The following ACOX2 variants were observed in gnomAD, a reference collection of about 807,000 sequenced individuals.
ACOX2 encodes acyl-CoA oxidase 2.
ACOX2 carries 59 observed loss-of-function variants against 77.5 expected under a neutral mutation model. That is an observed-to-expected ratio of 0.76 (90% CI 0.62 to 0.95). The LOEUF (loss-of-function observed/expected upper bound fraction) is 0.95, where lower values mean the gene tolerates loss of function less well. Ranked by LOEUF, ACOX2 falls within the 40% of genes least tolerant of loss-of-function variation. The pLI is 0.00. For synonymous variants in ACOX2, 317 were observed against 340.1 expected, an observed-to-expected ratio of 0.93 and a Z score of 0.75; for missense variants, 837 against 880.4, an observed-to-expected ratio of 0.95 and a Z score of 0.62.
rs370372439 is a variant in ACOX2, at chr3:58,524,494, T to C, written c.1458A>G (p.Pro486=). Reference sequence around the variant, plus strand: ...AGAGGAAGTCGGCTGCCCTCTGGGCTGGACACCTGGCCAGGTCAGGTGCGG... The same window carrying C: ...AGAGGAAGTCGGCTGCCCTCTGGGCCGGACACCTGGCCAGGTCAGGTGCGG... ...YLTAPDLARC[P]AQRAADFLCP... is the part of the protein sequence containing the mutation. Residue 486 remains proline, a synonymous_variant, in exon 11 of 15, where the codon CCA becomes CCG. Coordinates refer to ENST00000302819, the MANE Select transcript of ACOX2 (RefSeq NM_003500.4). The surrounding 1 kb of genome is among the most constrained non-coding windows in gnomAD (Gnocchi z 5.5). The C allele has an allele frequency of 3.9e-5, 63 of 1,614,034 alleles. No individual in the cohort carries two copies. The highest frequency in any genetic ancestry group is 5.2e-5 in the Non-Finnish European group (61 of 1,180,012).
intron 14 of ACOX2, 70 bp downstream of exon 14, chr3:58,508,823 A>G: frequency 6.4e-7 from 1 of 1,564,882 alleles, no homozygotes; most frequent in Non-Finnish European, 8.7e-7. Context: ...AAAATGGGAG[A>G]ACATGAAGGT....
chr3:58,522,520 A>C lies in ACOX2; in HGVS notation c.1608T>G (p.Thr536=). The change falls in exon 12 of 15, where the codon ACT becomes ACG. Residue 536 remains threonine (T), a synonymous_variant. Coordinates refer to ENST00000302819, the MANE Select transcript of ACOX2 (RefSeq NM_003500.4). The surrounding 1 kb of genome is among the most constrained non-coding windows in gnomAD (Gnocchi z 4.3). ...CCTTAGCAGCCTGGAGGTGTATGACAGTGGTCTGGTTCCAAGCCTCGTGCT... is the reference window on the plus strand; with the variant it reads ...CCTTAGCAGCCTGGAGGTGTATGACCGTGGTCTGGTTCCAAGCCTCGTGCT... ...ADQHEAWNQT[T]VIHLQAAKVH... 6.2e-7 allele frequency: 1 copy of C among 1,614,198 alleles called. No homozygotes were observed.
chr3:58,536,573 C>G (rs560307001), intron 1 of ACOX2, among the ~76,000 whole-genome samples: 2 of 152,268 alleles, frequency 1.3e-5, no homozygotes, highest in African/African-American at 4.8e-5. Flanking sequence ...TGCAAGTGCC[C>G]CTAGTGCGGC....
In ACOX2 at chr3:58,524,469, A is replaced by T. The variant is rs1382277953; in HGVS notation, c.1483T>A (p.Cys495Ser). 1 of 1,586,438 alleles carries T rather than the reference A, an allele frequency of 6.3e-7. No individual in the cohort carries two copies. Among genetic ancestry groups the T allele is most frequent in the Admixed American group, 1.7e-5 (1 of 57,548 alleles). Residue 495 changes from cysteine to serine, a missense_variant, in exon 11 of 15, where the codon TGC becomes AGC. Transcript: ENST00000302819. The surrounding 1 kb of genome is among the most constrained non-coding windows in gnomAD (Gnocchi z 5.5). ...CPAQRAADFL[C>S]PELYTTAWAH... ...CAGGCCGTGGTGTAGAGCTCCGGGC[A>T]GAGGAAGTCGGCTGCCCTCTGGGCT...
At position 58,533,653 on chromosome 3, in the gene ACOX2, T is replaced by A; in HGVS notation, c.476-101A>T. ...TGAACTCTTAGGCATCAGCGCAGTATGGAGTGGGGCCCAGCTCCCAGCTGT... is the reference window on the plus strand; with the variant it reads ...TGAACTCTTAGGCATCAGCGCAGTAAGGAGTGGGGCCCAGCTCCCAGCTGT... On this transcript the variant is annotated intron_variant, in intron 4 of 14. Coordinates refer to ENST00000302819, the MANE Select transcript of ACOX2 (RefSeq NM_003500.4). The surrounding 1 kb of genome is among the most constrained non-coding windows in gnomAD (Gnocchi z 5.6). 1.9e-6 allele frequency: 2 copies of A among 1,078,744 alleles called. No homozygotes were observed. Among genetic ancestry groups the A allele is most frequent in the Admixed American group, 2.0e-5 (1 of 49,418 alleles). The allele number at this position is 1,078,744 out of a possible 1,614,324, so 66.8% of individuals were successfully genotyped here.
rs1399405792 is a variant in ACOX2 at position 58,523,398 on chromosome 3, A to T, written c.1527-797T>A. On this transcript the variant is annotated intron_variant, in intron 11 of 14. Transcript: ENST00000302819. The surrounding 1 kb of genome is among the most constrained non-coding windows in gnomAD (Gnocchi z 5.3). ...GGGTGTTTATCAGGCCTATTTACTG[A>T]TAGGTCCCTAATGCCTAGAACAGTG... Among the ~76,000 whole-genome samples, 1 of 152,178 alleles carries T rather than the reference A, an allele frequency of 6.6e-6. No homozygotes were observed. Among genetic ancestry groups the T allele is most frequent in the African/African-American group, 2.4e-5 (1 of 41,424 alleles).
Position 58,525,834 on chromosome 3 carries a change from C to T in ACOX2, c.1346+632G>A, listed in dbSNP as rs1397314073. Among the ~76,000 whole-genome samples the T allele has an allele frequency of 6.6e-6, 1 of 152,016 alleles. No homozygotes were observed. Among genetic ancestry groups the T allele is most frequent in the African/African-American group, 2.4e-5 (1 of 41,388 alleles). ...GGTCAGGAGTTGGAGAGCAGCCTGGCCAACATGGTGAAACCCCATCTCTAC... is the reference window on the plus strand; with the variant it reads ...GGTCAGGAGTTGGAGAGCAGCCTGGTCAACATGGTGAAACCCCATCTCTAC... On this transcript the variant is annotated intron_variant, in intron 10 of 14. Coordinates refer to ENST00000302819, the MANE Select transcript of ACOX2 (RefSeq NM_003500.4). The surrounding 1 kb of genome is among the most constrained non-coding windows in gnomAD (Gnocchi z 5.0).
At position 58,523,352 on chromosome 3, in the gene ACOX2, A is replaced by G. The variant is rs976115147; in HGVS notation, c.1527-751T>C. Reference sequence around the variant, plus strand: ...TCCCCTCCTCAAATCTCCCAATTGAAATGTTAGCTCTATGAGTTTGGGGTG... The same window carrying G: ...TCCCCTCCTCAAATCTCCCAATTGAGATGTTAGCTCTATGAGTTTGGGGTG... On this transcript the variant is annotated intron_variant, in intron 11 of 14. Coordinates refer to ENST00000302819, the MANE Select transcript of ACOX2 (RefSeq NM_003500.4). This position sits in a 1 kb window ranked among gnomAD's most constrained non-coding sequence, Gnocchi z 5.3. Among the ~76,000 whole-genome samples, 2 of 152,204 alleles carry G rather than the reference A, an allele frequency of 1.3e-5. No individual in the cohort carries two copies. Among genetic ancestry groups the G allele is most frequent in the Non-Finnish European group, 1.5e-5 (1 of 68,034 alleles).
chr3:58,517,137 A>G, intron 13 of ACOX2, 69 bp downstream of exon 13: 1 of 1,553,886 alleles, frequency 6.4e-7, no homozygotes, highest in Admixed American at 1.7e-5. Context: ...TGGAGTTGGA[A>G]GTGACCTGTG....
At chr3:58,511,980 C>T (rs1056104340) in intron 13 of ACOX2, among the ~76,000 whole-genome samples, 2 of 152,206 alleles carry the variant, frequency 1.3e-5, no homozygotes, top group African/African-American at 4.8e-5. Flanking sequence ...CTCTTCTCTT[C>T]ATGCACTCCT....
At chr3:58,510,709 T>TATATATACACACAC (rs2063279955) in intron 13 of ACOX2, among the ~76,000 whole-genome samples, 1 of 7,282 alleles carries the variant, frequency 1.4e-4, no homozygotes, top group Admixed American at 2.7e-3. Context: ...TATATATATA[T>TATATATACACACAC]ACACACACAC....
rs1001057957 is a variant in ACOX2 at position 58,533,429 on chromosome 3, G to T, written c.583+16C>A. The T allele has an allele frequency of 1.2e-6, 2 of 1,608,130 alleles. No individual in the cohort carries two copies. The highest frequency in any genetic ancestry group is 1.3e-5 in the African/African-American group (1 of 74,722). On this transcript the variant is annotated intron_variant, in intron 5 of 14. Transcript: ENST00000302819. This position sits in a 1 kb window ranked among gnomAD's most constrained non-coding sequence, Gnocchi z 5.6. Reference sequence around the variant, plus strand: ...ACTTGGGGAGAGTTAAGGAAGGGGGGTGGATGTATACTCACAGTCTCCAGG... The same window carrying T: ...ACTTGGGGAGAGTTAAGGAAGGGGGTTGGATGTATACTCACAGTCTCCAGG...
Position 58,535,038 on chromosome 3 carries a change from C to G in ACOX2, c.69G>C (p.Glu23Asp). ...TWSRQMHPDI[E>D]SERYMQSFDV... ...CAAAGGACTGCATATACCTCTCGCT[C>G]TCTATGTCGGGGTGCATTTGCCTGC... Residue 23 changes from glutamate (E) to aspartate (D), a missense_variant, in exon 2 of 15, where the codon GAG (glutamate) becomes GAC (aspartate). By Grantham distance (45) the Glu-to-Asp change is conservative. Coordinates refer to ENST00000302819, the MANE Select transcript of ACOX2 (RefSeq NM_003500.4). This position sits in a 1 kb window ranked among gnomAD's most constrained non-coding sequence, Gnocchi z 4.8. 4 of 1,614,234 alleles carry G rather than the reference C, an allele frequency of 2.5e-6. No individual in the cohort carries two copies. The highest frequency in any genetic ancestry group is 3.4e-6 in the Non-Finnish European group (4 of 1,180,042).
intron 13 of ACOX2, among the ~76,000 whole-genome samples, chr3:58,509,852 C>T (rs1190106787): frequency 6.6e-6 from 1 of 151,886 alleles, no homozygotes; most frequent in African/African-American, 2.4e-5. Flanking sequence ...GTGATCTGCC[C>T]ACCTCGGCCT....
rs376391704 is a variant in ACOX2, at chr3:58,533,973, C to T, written c.475+21G>A. 1.2e-6 allele frequency: 2 copies of T among 1,613,510 alleles called. No homozygotes were observed. Among genetic ancestry groups the T allele is most frequent in the African/African-American group, 2.7e-5 (2 of 74,936 alleles). ...TTTGCAGTGCACAACCTAAACACCA[C>T]ACGCAGCAGTCCTAGCTCACCATGT... On this transcript the variant is annotated intron_variant, in intron 4 of 14. Coordinates refer to ENST00000302819, the MANE Select transcript of ACOX2 (RefSeq NM_003500.4). This position sits in a 1 kb window ranked among gnomAD's most constrained non-coding sequence, Gnocchi z 5.6.
chr3:58,507,267 A>T (rs2107982720), intron 14 of ACOX2, among the ~76,000 whole-genome samples: 1 of 152,250 alleles, frequency 6.6e-6, no homozygotes, highest in African/African-American at 2.4e-5. Flanking sequence ...TAGATCTTGG[A>T]GTTGGGAAGG....
chr3:58,508,992 G>A lies in ACOX2; in HGVS notation c.1884C>T (p.Asp628=). The change falls in exon 14 of 15, where the codon GAC becomes GAT. Residue 628 remains aspartate (D), a synonymous_variant. Transcript: ENST00000302819. ...CTGAATTTAAACACTGATCGGTGAA[G>A]TCAAAAGCATCAGTTAACAGGATGG... is the stretch of plus-strand genomic sequence containing the variant. ...KDAILLTDAF[D]FTDQCLNSAL... 6.2e-7 allele frequency: 1 copy of A among 1,614,180 alleles called. No individual in the cohort carries two copies. The highest frequency in any genetic ancestry group is 1.1e-5 in the South Asian group (1 of 91,088).
intron 13 of ACOX2, among the ~76,000 whole-genome samples, chr3:58,510,709 T>TACACACACAC (rs60942766): frequency 1.4e-4 from 1 of 7,278 alleles, no homozygotes. Context: ...TATATATATA[T>TACACACACAC]ACACACACAC....
intron 12 of ACOX2, among the ~76,000 whole-genome samples, chr3:58,518,081 A>G (rs1409180276): frequency 6.7e-6 from 1 of 149,786 alleles, no homozygotes; most frequent in African/African-American, 2.5e-5. Context: ...ATCTCAAAAA[A>G]AAAAAAAAAA....
Sources: gnomAD v4.1 joint callset for allele counts (sites outside exome capture counted in the v4.1 genomes callset) on GRCh38, gnomAD v4.1.1 for gene constraint, Gnocchi (gnomAD v3.1) non-coding constraint, MANE v1.5 for transcripts, NCBI Gene and HGNC (gene_info 2026-07-23, HGNC 2026-07-21) for gene names.